The following PRKAR1A variants were observed in gnomAD, a reference collection of about 807,000 sequenced individuals.
PRKAR1A encodes the protein protein kinase cAMP-dependent type I regulatory subunit alpha.
PRKAR1A carries 3 observed loss-of-function variants against 52.0 expected under a neutral mutation model. The ratio of observed to expected loss-of-function variants is 0.06; its 90% CI spans 0.03 to 0.15. PRKAR1A has a LOEUF of 0.15. Ranked by LOEUF, PRKAR1A falls within the 10% of genes least tolerant of loss-of-function variation. The pLI is 1.00. For missense variants in PRKAR1A, 240 were observed against 477.4 expected (o/e 0.50, Z 4.63); for synonymous variants, 188 against 168.4 (o/e 1.12, Z -0.90).
chr17:68,447,937 G>A, the PRKAR1A span, among the ~76,000 whole-genome samples: 4 of 142,724 alleles, frequency 2.8e-5, no homozygotes, highest in Admixed American at 2.2e-4. Context: ...AGGTTGTGGT[G>A]AGCTGAGACT....
chr17:68,435,009 C>G, the PRKAR1A span, among the ~76,000 whole-genome samples: 1 of 152,104 alleles, frequency 6.6e-6, no homozygotes, highest in African/African-American at 2.4e-5. Flanking sequence ...CAAGACCAGC[C>G]TGGGCAACAC....
the PRKAR1A span, among the ~76,000 whole-genome samples, chr17:68,499,950 C>T: frequency 1.3e-5 from 2 of 152,212 alleles, no homozygotes; most frequent in Non-Finnish European, 2.9e-5. Context: ...CATACATTAA[C>T]TAACAGGTCA....
At chr17:68,491,386 C>T in the PRKAR1A span, among the ~76,000 whole-genome samples, 1 of 152,226 alleles carries the variant, frequency 6.6e-6, no homozygotes, top group Non-Finnish European at 1.5e-5. Flanking sequence ...GCCACCGCGC[C>T]CAGCCAAAAT....
the PRKAR1A span, among the ~76,000 whole-genome samples, chr17:68,437,991 C>T: frequency 1.5e-5 from 2 of 129,280 alleles, no homozygotes; most frequent in Non-Finnish European, 3.2e-5. Context: ...GCGTCTATTA[C>T]AAGTTAGTAT....
chr17:68,542,188 G>A, intron 11 of PRKAR1A: 1 of 1,613,446 alleles, frequency 6.2e-7, no homozygotes, highest in Non-Finnish European at 8.5e-7. Context: ...GAGGAGAGAG[G>A]AGGAGTAAGT....
chr17:68,537,838 C>G (rs2286556), downstream of PRKAR1A: 412,102 of 1,346,190 alleles, frequency 0.31, 64,727 homozygotes, highest in East Asian at 0.53. This position sits in a 1 kb window ranked among gnomAD's most constrained non-coding sequence, Gnocchi z 4.2. Context: ...AGCTGATACT[C>G]TTGGCGCCTC....
rs577964161 is a variant in PRKAR1A at position 68,532,538 on chromosome 17, A to G, written c.*2089A>G. On this transcript the variant is annotated 3_prime_UTR_variant, in exon 11 of 11. Coordinates refer to ENST00000589228, the MANE Select transcript of PRKAR1A (RefSeq NM_002734.5). Reference sequence around the variant, plus strand: ...GTATATGTGAGAAATCAGAATTGGCATAATTTGTCTTAGTTGATATTCAAG... The same window carrying G: ...GTATATGTGAGAAATCAGAATTGGCGTAATTTGTCTTAGTTGATATTCAAG... The G allele has an allele frequency of 1.1e-5, 12 of 1,065,410 alleles. No homozygotes were observed. Among genetic ancestry groups the G allele is most frequent in the Non-Finnish European group, 1.4e-5 (12 of 879,094 alleles). 66.0% of individuals were successfully genotyped at this position (1,065,410 alleles called of 1,614,324 possible).
At chr17:68,478,865 T>C in the PRKAR1A span, among the ~76,000 whole-genome samples, 1 of 152,076 alleles carries the variant, frequency 6.6e-6, no homozygotes, top group African/African-American at 2.4e-5. Flanking sequence ...GTAGCTGGGA[T>C]TACAGGCACA....
the PRKAR1A span, chr17:68,421,668 C>T: frequency 5.3e-6 from 8 of 1,512,930 alleles, no homozygotes; most frequent in African/African-American, 2.7e-5. Context: ...GGGATTCCTG[C>T]CCCCCTTTCT....
In PRKAR1A at chr17:68,524,894, T is replaced by A. The variant is rs1486482938; in HGVS notation, c.503-18T>A. The A allele has an allele frequency of 1.9e-6, 3 of 1,593,026 alleles. No individual in the cohort carries two copies. The highest frequency in any genetic ancestry group is 1.7e-5 in the Admixed American group (1 of 59,956). On this transcript the variant is annotated intron_variant, in intron 5 of 10. Transcript: ENST00000589228. ...CTTTAATTTGGAATATGCTTCTAACTTTTTTACCCTCTTTTAGGTGATGAA... is the reference window on the plus strand; with the variant it reads ...CTTTAATTTGGAATATGCTTCTAACATTTTTACCCTCTTTTAGGTGATGAA...
At chr17:68,421,476 C>G in the PRKAR1A span, 5 of 388,636 alleles carry the variant, frequency 1.3e-5, no homozygotes, top group South Asian at 2.1e-4. Flanking sequence ...AAAAGGAGGC[C>G]CCTTTTAATA....
upstream of PRKAR1A, chr17:68,511,781 A>T (rs1222993612): frequency 2.0e-5 from 3 of 151,690 alleles, no homozygotes; most frequent in Admixed American, 2.0e-4. Context: ...CGGCCCGGAG[A>T]GCGCATCCCG....
the PRKAR1A span, among the ~76,000 whole-genome samples, chr17:68,469,402 AT>A: frequency 6.6e-6 from 1 of 152,116 alleles, no homozygotes; most frequent in Non-Finnish European, 1.5e-5. Context: ...AACTGAAATT[AT>A]CTTGTTGATT....
the PRKAR1A span, among the ~76,000 whole-genome samples, chr17:68,418,801 C>G: frequency 6.6e-6 from 1 of 152,116 alleles, no homozygotes; most frequent in African/African-American, 2.4e-5. Flanking sequence ...AAGAATTTCT[C>G]TCAGATTTTA....
chr17:68,471,194 C>T, the PRKAR1A span, among the ~76,000 whole-genome samples: 6 of 152,024 alleles, frequency 3.9e-5, no homozygotes, highest in East Asian at 3.8e-4. Flanking sequence ...GCATTAATTG[C>T]GACACACTTG....
At chr17:68,450,372 C>T in the PRKAR1A span, among the ~76,000 whole-genome samples, 4 of 152,160 alleles carry the variant, frequency 2.6e-5, no homozygotes, top group African/African-American at 9.7e-5. Flanking sequence ...AGGGCAAAAC[C>T]AGAAGAGTCG....
intron 1 of PRKAR1A, chr17:68,512,927 A>G (rs942357533): frequency 2.0e-5 from 3 of 151,960 alleles, no homozygotes; most frequent in African/African-American, 7.3e-5. Flanking sequence ...GCTCTATTTT[A>G]CTGGGGTCCG....
At chr17:68,447,588 G>A in the PRKAR1A span, among the ~76,000 whole-genome samples, 35 of 151,976 alleles carry the variant, frequency 2.3e-4, no homozygotes, top group Middle Eastern at 3.4e-3. Context: ...ACTAGGTCTC[G>A]TTACATTGCC....
At chr17:68,420,114 A>G in the PRKAR1A span, 1 of 1,515,910 alleles carries the variant, frequency 6.6e-7, no homozygotes, top group South Asian at 1.2e-5. Context: ...ATGTAGAATC[A>G]CTCGCAGCTC....
Sources: allele counts gnomAD v4.1 joint callset (sites outside exome capture counted in the v4.1 genomes callset), GRCh38; gene constraint gnomAD v4.1.1; non-coding constraint Gnocchi (gnomAD v3.1); transcripts MANE v1.5; gene names NCBI Gene and HGNC (gene_info 2026-07-23, HGNC 2026-07-21).